The following TRPV2 variants were observed in gnomAD, a reference collection of about 807,000 sequenced individuals.
TRPV2 encodes transient receptor potential cation channel subfamily V member 2.
TRPV2 carries 58 observed loss-of-function variants against 91.0 expected under a neutral mutation model. The observed-to-expected ratio is 0.64, with a 90% CI of 0.52 to 0.79. TRPV2 has a LOEUF of 0.79. Among genes scored for constraint, TRPV2 ranks in the 30% least tolerant of loss-of-function variants. The pLI is 0.00. For missense variants in TRPV2, 807 were observed against 969.6 expected (o/e 0.83, Z 2.23); for synonymous variants, 417 against 414.8 (o/e 1.01, Z -0.06).
At chr17:16,418,457 C>T (rs377014425) in intron 2 of TRPV2, among the ~76,000 whole-genome samples, 12 of 152,220 alleles carry the variant, frequency 7.9e-5, no homozygotes, top group East Asian at 3.9e-4. Flanking sequence ...CTTCCCTGCC[C>T]GGGGGCGGGG....
In TRPV2 at chr17:16,426,022, T is replaced by G; in HGVS notation, c.925-77T>G. Reference sequence around the variant, plus strand: ...CAGACCGTGGGCAGCTGCTGAGTCCTGGGTGTTTCCCAGCCTTGGCCCAGG... The same window carrying G: ...CAGACCGTGGGCAGCTGCTGAGTCCGGGGTGTTTCCCAGCCTTGGCCCAGG... On this transcript the variant is annotated intron_variant, in intron 5 of 14. Transcript: ENST00000338560. This position sits in a 1 kb window ranked among gnomAD's most constrained non-coding sequence, Gnocchi z 6.0. The G allele has an allele frequency of 6.4e-7, 1 of 1,554,996 alleles. No individual in the cohort carries two copies. The highest frequency in any genetic ancestry group is 8.8e-7 in the Non-Finnish European group (1 of 1,134,764).
chr17:16,430,313 T>TC (rs1480787312), intron 10 of TRPV2, among the ~76,000 whole-genome samples: 2 of 151,996 alleles, frequency 1.3e-5, no homozygotes, highest in Non-Finnish European at 2.9e-5. Flanking sequence ...CCCATTCCCT[T>TC]CCCCCAGTCC....
intron 13 of TRPV2, 69 bp from the exon 14 acceptor site, chr17:16,434,821 G>A (rs545560149): frequency 3.2e-4 from 467 of 1,474,672 alleles, no homozygotes; most frequent in Middle Eastern, 4.7e-4. Context: ...GGGGGGCCAC[G>A]CCCCTCTCCG....
intron 1 of TRPV2, 146 bp from the exon 2 acceptor site, chr17:16,417,415 AT>A (rs11419072): frequency 4.4e-4 from 164 of 375,092 alleles, no homozygotes; most frequent in Middle Eastern, 1.6e-3. Flanking sequence ...TAATTTTTGT[AT>A]TTTTTTTAGT....
rs775834036 is a variant in TRPV2, at chr17:16,423,490, C to G, written c.647C>G (p.Ala216Gly). ...FYFGELPLSL[A>G]ACTKQWDVVS... is the part of the protein sequence containing the mutation. ...GCAGGTGAGCTACCCCTCTCTTTGG[C>G]CGCTTGCACCAAGCAGTGGGATGTG... The change falls in exon 5 of 15, where the codon GCC becomes GGC. Residue 216 changes from alanine (A) to glycine (G), a missense_variant. Transcript: ENST00000338560. 2.5e-6 allele frequency: 4 copies of G among 1,609,722 alleles called. No homozygotes were observed. Among genetic ancestry groups the G allele is most frequent in the Middle Eastern group, 1.7e-4 (1 of 6,042 alleles).
intron 5 of TRPV2, among the ~76,000 whole-genome samples, chr17:16,424,490 T>A (rs1203667173): frequency 6.6e-6 from 1 of 151,966 alleles, no homozygotes; most frequent in African/African-American, 2.4e-5. Context: ...GAGATGGGGT[T>A]TCACCATGTT....
chr17:16,426,669 C>CG lies in TRPV2; in HGVS notation c.1096-53_1096-52insG. On this transcript the variant is annotated intron_variant, in intron 6 of 14. Coordinates refer to ENST00000338560, the MANE Select transcript of TRPV2 (RefSeq NM_016113.5). This position sits in a 1 kb window ranked among gnomAD's most constrained non-coding sequence, Gnocchi z 6.0. ...TGCTTTGATCTTGACATGGAGTGGG[C>CG]AGCCTATTTGCACTTGTTGAGTGTA... The CG allele has an allele frequency of 1.3e-6, 2 of 1,571,254 alleles. No homozygotes were observed. Among genetic ancestry groups the CG allele is most frequent in the Non-Finnish European group, 8.6e-7 (1 of 1,157,530 alleles).
At chr17:16,424,594 C>G (rs1289374959) in intron 5 of TRPV2, among the ~76,000 whole-genome samples, 1 of 152,218 alleles carries the variant, frequency 6.6e-6, no homozygotes, top group East Asian at 1.9e-4. Context: ...TGGCACCCGG[C>G]CAAACATTGG....
At chr17:16,418,169 C>T (rs896705733) in intron 2 of TRPV2, among the ~76,000 whole-genome samples, 2 of 152,250 alleles carry the variant, frequency 1.3e-5, no homozygotes, top group Admixed American at 1.3e-4. Flanking sequence ...TTCATGCCAA[C>T]TCCCACCCCT....
rs374016356 is a variant in TRPV2, at chr17:16,426,296, G to A, written c.1095+27G>A. The A allele has an allele frequency of 7.4e-5, 119 of 1,611,610 alleles. No individual in the cohort carries two copies. The highest frequency in any genetic ancestry group is 1.7e-4 in the Middle Eastern group (1 of 5,922). On this transcript the variant is annotated intron_variant, in intron 6 of 14. Transcript: ENST00000338560. The surrounding 1 kb of genome is among the most constrained non-coding windows in gnomAD (Gnocchi z 6.0). ...TGAGCCCACAGGAGCATGGGTGCACGCAGAGGACCCAGCAGAGTTTCCAGC... is the reference window on the plus strand; with the variant it reads ...TGAGCCCACAGGAGCATGGGTGCACACAGAGGACCCAGCAGAGTTTCCAGC...
chr17:16,430,398 A>G (rs902879019), intron 10 of TRPV2, among the ~76,000 whole-genome samples: 18 of 151,958 alleles, frequency 1.2e-4, no homozygotes, highest in Non-Finnish European at 2.2e-4. Flanking sequence ...GGAATCATAC[A>G]GTATTTGTCC....
intron 10 of TRPV2, among the ~76,000 whole-genome samples, chr17:16,431,291 A>ATATTT (rs1333090555): frequency 1.5e-5 from 1 of 67,392 alleles, no homozygotes; most frequent in Admixed American, 2.0e-4. Context: ...ATATATACAT[A>ATATTT]TTTTTTTTTT....
intron 5 of TRPV2, among the ~76,000 whole-genome samples, chr17:16,424,666 A>G (rs2093374670): frequency 6.6e-6 from 1 of 152,012 alleles, no homozygotes; most frequent in African/African-American, 2.4e-5. Context: ...TCTTTTGCCT[A>G]TTTTGCTATT....
rs1323142863 is a variant in TRPV2, at chr17:16,434,939, T to C, written c.2164T>C (p.Cys722Arg). 1 of 1,611,122 alleles carries C rather than the reference T, an allele frequency of 6.2e-7. No individual in the cohort carries two copies. The highest frequency in any genetic ancestry group is 8.5e-7 in the Non-Finnish European group (1 of 1,178,762). Residue 722 changes from cysteine (C) to arginine (R), a missense_variant, in exon 14 of 15, where the codon TGT (cysteine) becomes CGT (arginine). Physicochemically the swap from Cys to Arg is radical, Grantham distance 180. Coordinates refer to ENST00000338560, the MANE Select transcript of TRPV2 (RefSeq NM_016113.5). ...ASWEQTLPTL[C>R]EDPSGAGVPR... ...ATGGGAGCAGACGCTGCCTACGCTGTGTGAGGACCCGTCAGGGGCAGGTGT... is the reference window on the plus strand; with the variant it reads ...ATGGGAGCAGACGCTGCCTACGCTGCGTGAGGACCCGTCAGGGGCAGGTGT...
Position 16,435,124 on chromosome 17 carries a change from T to G in TRPV2, c.2194+155T>G, listed in dbSNP as rs2093429889. Among the ~76,000 whole-genome samples, 1 of 151,970 alleles carries G rather than the reference T, an allele frequency of 6.6e-6. No homozygotes were observed. Among genetic ancestry groups the G allele is most frequent in the African/African-American group, 2.4e-5 (1 of 41,244 alleles). On this transcript the variant is annotated intron_variant, in intron 14 of 14. Transcript: ENST00000338560. The surrounding 1 kb of genome is among the most constrained non-coding windows in gnomAD (Gnocchi z 4.2). ...AGCTCCTCTTAGAGGGATTGCCTCCTTAAAACAGTGGTTCCCTCCTTTCCT... is the reference window on the plus strand; with the variant it reads ...AGCTCCTCTTAGAGGGATTGCCTCCGTAAAACAGTGGTTCCCTCCTTTCCT...
rs200065409 is a variant in TRPV2, at chr17:16,417,626, G to C, written c.-43G>C. On this transcript the variant is annotated 5_prime_UTR_variant, in exon 2 of 15. Transcript: ENST00000338560. ...GACAGGACCCTTGACATCTCCATCT[G>C]CACAGAGGTCCTGGCTGGACCGAGC... 1.7e-4 allele frequency: 274 copies of C among 1,604,080 alleles called. No individual in the cohort carries two copies. In the African/African-American group the frequency reaches 3.2e-3, roughly 19 times the overall value.
At chr17:16,421,901 G>A (rs563451101) in intron 3 of TRPV2, among the ~76,000 whole-genome samples, 2 of 152,258 alleles carry the variant, frequency 1.3e-5, no homozygotes, top group East Asian at 1.9e-4. Flanking sequence ...GAGAGGCCAC[G>A]TGACTTGCCA....
In TRPV2 at chr17:16,426,123, G is replaced by C; in HGVS notation, c.949G>C (p.Glu317Gln). ...IEIFRHILQR[E>Q]FSGLSHLSRK... ...GATTTTCAGGCACATCCTGCAGCGG[G>C]AGTTTTCAGGACTGAGCCACCTTTC... The change falls in exon 6 of 15, where the codon GAG becomes CAG. Residue 317 changes from glutamate (E) to glutamine (Q), a missense_variant. Physicochemically the swap from Glu to Gln is conservative, Grantham distance 29. Coordinates refer to ENST00000338560, the MANE Select transcript of TRPV2 (RefSeq NM_016113.5). The surrounding 1 kb of genome is among the most constrained non-coding windows in gnomAD (Gnocchi z 6.0). 2 of 1,614,200 alleles carry C rather than the reference G, an allele frequency of 1.2e-6. No individual in the cohort carries two copies. Among genetic ancestry groups the C allele is most frequent in the Non-Finnish European group, 1.7e-6 (2 of 1,180,036 alleles).
intron 1 of TRPV2, 120 bp from the exon 2 acceptor site, chr17:16,417,442 C>G: frequency 4.4e-6 from 2 of 453,944 alleles, no homozygotes; most frequent in East Asian, 8.4e-5. Context: ...TGGGGTTTCA[C>G]CATGTTGGTC....
Sources: allele counts gnomAD v4.1 joint callset (sites outside exome capture counted in the v4.1 genomes callset), GRCh38; gene constraint gnomAD v4.1.1; non-coding constraint Gnocchi (gnomAD v3.1); transcripts MANE v1.5; gene names NCBI Gene and HGNC (gene_info 2026-07-23, HGNC 2026-07-21).